The following BABAM2 variants were observed in gnomAD, a reference collection of about 807,000 sequenced individuals.
BABAM2 encodes BRISC and BRCA1 A complex member 2.
A neutral mutation model predicts 54.7 loss-of-function variants in BABAM2; 31 were observed. That is an observed-to-expected ratio of 0.57 (90% CI 0.43 to 0.77). The LOEUF is 0.77. Among genes scored for constraint, BABAM2 ranks in the 30% least tolerant of loss-of-function variants. The pLI is 0.00. For synonymous variants in BABAM2, 167 were observed against 162.9 expected (o/e 1.03, Z -0.19); for missense variants, 364 against 455.8 (o/e 0.80, Z 1.83).
At chr2:28,057,806 A>T (rs1406756135) in intron 6 of BABAM2, among the ~76,000 whole-genome samples, 1 of 152,318 alleles carries the variant, frequency 6.6e-6, no homozygotes, top group Non-Finnish European at 1.5e-5. Flanking sequence ...TTTATAAAGG[A>T]GGTGACATTT....
intron 7 of BABAM2, among the ~76,000 whole-genome samples, chr2:28,172,438 T>G (rs995639171): frequency 1.3e-5 from 2 of 152,222 alleles, no homozygotes; most frequent in Non-Finnish European, 2.9e-5. Flanking sequence ...TGCGTGTATC[T>G]ACTTTCTTGT....
intron 3 of BABAM2, among the ~76,000 whole-genome samples, chr2:27,949,327 G>A (rs1003998181): frequency 4.6e-5 from 7 of 152,184 alleles, no homozygotes; most frequent in African/African-American, 1.7e-4. Context: ...GAGGTCAGGA[G>A]TTTGAGACCA....
intron 11 of BABAM2, among the ~76,000 whole-genome samples, chr2:28,314,355 T>C (rs1259930301): frequency 1.3e-5 from 2 of 152,210 alleles, no homozygotes; most frequent in Non-Finnish European, 2.9e-5. Context: ...ACTGAGCATA[T>C]ACCTTGGCTT....
chr2:27,897,974 T>C (rs1296114547), intron 2 of BABAM2, among the ~76,000 whole-genome samples: 2 of 152,224 alleles, frequency 1.3e-5, no homozygotes, highest in Non-Finnish European at 2.9e-5. Flanking sequence ...TCCTTTACTG[T>C]GCTCATTTCT....
intron 6 of BABAM2, among the ~76,000 whole-genome samples, chr2:28,067,863 A>G (rs1351216569): frequency 6.6e-6 from 1 of 152,132 alleles, no homozygotes; most frequent in Non-Finnish European, 1.5e-5. Context: ...TCACCTTTGT[A>G]TTTTCTTGCT....
intron 7 of BABAM2, among the ~76,000 whole-genome samples, chr2:28,214,049 A>G (rs934721688): frequency 6.6e-6 from 1 of 152,106 alleles, no homozygotes; most frequent in African/African-American, 2.4e-5. Context: ...CTCATTGGTG[A>G]TATTTTATAT....
chr2:28,252,747 ATTT>A (rs1010167001), intron 10 of BABAM2, among the ~76,000 whole-genome samples: 2 of 152,178 alleles, frequency 1.3e-5, no homozygotes, highest in African/African-American at 4.8e-5. Context: ...CATGCAATGA[ATTT>A]TTCCCCTGTA....
intron 4 of BABAM2, among the ~76,000 whole-genome samples, chr2:27,999,684 T>C (rs1178976313): frequency 6.6e-6 from 1 of 152,238 alleles, no homozygotes; most frequent in Non-Finnish European, 1.5e-5. Context: ...TTCTTTATGG[T>C]ACTAAGGATT....
At chr2:28,256,661 A>C (rs1573943195) in intron 10 of BABAM2, among the ~76,000 whole-genome samples, 1 of 151,356 alleles carries the variant, frequency 6.6e-6, no homozygotes, top group Non-Finnish European at 1.5e-5. Context: ...AAATTCAATT[A>C]AGTATTTTTC....
At chr2:28,201,982 G>T (rs547872734) in intron 7 of BABAM2, among the ~76,000 whole-genome samples, 2 of 152,276 alleles carry the variant, frequency 1.3e-5, no homozygotes, top group East Asian at 3.9e-4. Flanking sequence ...GAGCCACGGG[G>T]CCCAGTTGGC....
At chr2:28,180,359 T>C (rs567738939) in intron 7 of BABAM2, among the ~76,000 whole-genome samples, 2 of 152,086 alleles carry the variant, frequency 1.3e-5, no homozygotes, top group Admixed American at 6.5e-5. Flanking sequence ...AGAACATACA[T>C]TGCAGAAAGG....
chr2:27,955,920 T>C (rs1391003899), intron 3 of BABAM2, among the ~76,000 whole-genome samples: 1 of 152,134 alleles, frequency 6.6e-6, no homozygotes, highest in African/African-American at 2.4e-5. Context: ...TGTTGTGAGA[T>C]TTAGAAAAAT....
At chr2:28,020,952 GACACACACACACAC>G (rs57086132) in intron 4 of BABAM2, among the ~76,000 whole-genome samples, 2 of 144,412 alleles carry the variant, frequency 1.4e-5, no homozygotes, top group African/African-American at 5.2e-5. Context: ...CTGTCTCTCT[GACACACACACACAC>G]ACACACACAC....
At chr2:28,291,595 C>CAA (rs527427296) in intron 10 of BABAM2, among the ~76,000 whole-genome samples, 1 of 131,498 alleles carries the variant, frequency 7.6e-6, no homozygotes, top group Non-Finnish European at 1.7e-5. Context: ...ACTCCGTCTC[C>CAA]AAAAAAAAAA....
chr2:27,975,658 A>T (rs1287972260), intron 3 of BABAM2, among the ~76,000 whole-genome samples: 1 of 152,134 alleles, frequency 6.6e-6, no homozygotes, highest in Non-Finnish European at 1.5e-5. Context: ...TGAGTTAGAT[A>T]CAACAGTAGA....
chr2:28,251,588 A>G (rs533410130), intron 10 of BABAM2, among the ~76,000 whole-genome samples: 1 of 152,330 alleles, frequency 6.6e-6, no homozygotes, highest in Admixed American at 6.5e-5. Context: ...CTATAGAAAC[A>G]GTGTTTCGTC....
At chr2:28,057,426 G>T (rs1226840377) in intron 6 of BABAM2, among the ~76,000 whole-genome samples, 1 of 152,204 alleles carries the variant, frequency 6.6e-6, no homozygotes, top group Non-Finnish European at 1.5e-5. Context: ...AGAAAGGGAA[G>T]TGGGGATTGG....
chr2:28,244,313 C>T (rs1682722057), intron 9 of BABAM2, among the ~76,000 whole-genome samples: 3 of 152,100 alleles, frequency 2.0e-5, no homozygotes, highest in African/African-American at 7.2e-5. Context: ...ATGTAGTGCC[C>T]AGTGAAAGTC....
chr2:28,105,161 G>T (rs928778735), intron 6 of BABAM2, among the ~76,000 whole-genome samples: 8 of 151,828 alleles, frequency 5.3e-5, no homozygotes, highest in South Asian at 4.2e-4. Flanking sequence ...CACATTGTGC[G>T]CATGTACCCT....
Sources: gnomAD v4.1 joint callset for allele counts (sites outside exome capture counted in the v4.1 genomes callset) on GRCh38, gnomAD v4.1.1 for gene constraint, MANE v1.5 for transcripts, NCBI Gene and HGNC (gene_info 2026-07-23, HGNC 2026-07-21) for gene names.